Variants in MVD observed in about 807,000 individuals in gnomAD.
The protein encoded by MVD is diphosphomevalonate decarboxylase.
Under a neutral mutation model 42.4 loss-of-function variants are expected in MVD, and 52 were observed. The observed-to-expected ratio is 1.23, with a 90% CI of 0.98 to 1.55. The LOEUF is 1.55. Among genes scored for constraint, MVD ranks in the 40% most tolerant of loss-of-function variants. MVD has a pLI of 0.00. For missense variants in MVD, 663 were observed against 572.1 expected (o/e 1.16, Z -1.62); for synonymous variants, 287 against 243.2 (o/e 1.18, Z -1.68).
chr16:88,657,662 C>G, intron 3 of MVD, 80 bp from the exon 4 acceptor site: 1 of 1,558,876 alleles, frequency 6.4e-7, no homozygotes, highest in South Asian at 1.2e-5. Context: ...CCCGGGGTCA[C>G]AGCTGAACAC....
intron 1 of MVD, 97 bp downstream of exon 1, chr16:88,662,914 G>A: frequency 1.3e-6 from 2 of 1,536,018 alleles, no homozygotes; most frequent in Non-Finnish European, 1.8e-6. Context: ...GGCCCTGGGA[G>A]GGCAGGACGG....
Position 88,652,500 on chromosome 16 carries a change from C to G in MVD, c.*25G>C, listed in dbSNP as rs192540315. The G allele has an allele frequency of 2.1e-5, 33 of 1,555,090 alleles. No individual in the cohort carries two copies. Among genetic ancestry groups the G allele is most frequent in the Non-Finnish European group, 2.3e-5 (26 of 1,149,274 alleles). On this transcript the variant is annotated 3_prime_UTR_variant, in exon 10 of 10. Transcript: ENST00000301012. ...CCGGCGAGGCCACCCCTTCTCCAAGCGGCATGCGGTCCCTGCTGAGGCAGT... is the reference window on the plus strand; with the variant it reads ...CCGGCGAGGCCACCCCTTCTCCAAGGGGCATGCGGTCCCTGCTGAGGCAGT...
In MVD at chr16:88,655,092, GAC is replaced by G. The variant is rs201730794; in HGVS notation, c.897+105_897+106del. 2,171 of 1,306,530 alleles carry G rather than the reference GAC, an allele frequency of 1.7e-3. 38 individuals are homozygous for G. The African/African-American group carries it at 0.028, about 17-fold the overall frequency. The allele number at this position is 1,306,530 out of a possible 1,614,324, so 80.9% of individuals were successfully genotyped here. ...CGCACACAGCAGGGTGGAGCTTTCA[GAC>G]ACAGATTGCCCTGCACGCGAGCCCC... On this transcript the variant is annotated intron_variant, in intron 7 of 9. Transcript: ENST00000301012.
At chr16:88,658,400 T>A (rs1013305240) in intron 2 of MVD, among the ~76,000 whole-genome samples, 2 of 152,084 alleles carry the variant, frequency 1.3e-5, no homozygotes, top group African/African-American at 4.8e-5. Context: ...CGCTAGGCCA[T>A]CTCATCCTAG....
At position 88,652,405 on chromosome 16, in the gene MVD, G is replaced by A. The variant is rs1907622701; in HGVS notation, c.*120C>T. 5 of 1,139,552 alleles carry A rather than the reference G, an allele frequency of 4.4e-6. No individual in the cohort carries two copies. The highest frequency in any genetic ancestry group is 5.1e-5 in the East Asian group (2 of 39,076). The allele number at this position is 1,139,552 out of a possible 1,614,324, so 70.6% of individuals were successfully genotyped here. On this transcript the variant is annotated 3_prime_UTR_variant, in exon 10 of 10. Coordinates refer to ENST00000301012, the MANE Select transcript of MVD (RefSeq NM_002461.3). ...CACTGCCCCACAGCAAGCTGCCCAT[G>A]GGCCCGGGGTCAAGCCACCACCCAC...
intron 8 of MVD, 60 bp downstream of exon 8, chr16:88,654,632 T>G: frequency 6.5e-7 from 1 of 1,528,466 alleles, no homozygotes; most frequent in Non-Finnish European, 8.8e-7. Flanking sequence ...CTCCGTCTCT[T>G]CCGACCAGAG....
In MVD at chr16:88,655,750, C is replaced by A; in HGVS notation, c.604-20G>T. Reference sequence around the variant, plus strand: ...GCTCACCTGCACGAGGGAGAGACAGCCTGGGCCACACCCTGCAGGGGGCCA... The same window carrying A: ...GCTCACCTGCACGAGGGAGAGACAGACTGGGCCACACCCTGCAGGGGGCCA... On this transcript the variant is annotated intron_variant, in intron 5 of 9. Coordinates refer to ENST00000301012, the MANE Select transcript of MVD (RefSeq NM_002461.3). 1 of 1,551,054 alleles carries A rather than the reference C, an allele frequency of 6.4e-7. No homozygotes were observed. The highest frequency in any genetic ancestry group is 8.7e-7 in the Non-Finnish European group (1 of 1,148,054).
intron 1 of MVD, chr16:88,662,242 G>C (rs796067124): frequency 2.0e-5 from 3 of 152,638 alleles, no homozygotes; most frequent in African/African-American, 7.2e-5. Flanking sequence ...GAGAGAGGGT[G>C]GTCCATGGAT....
At chr16:88,659,028 C>T in intron 1 of MVD, 1 of 398,398 alleles carries the variant, frequency 2.5e-6, no homozygotes, top group Non-Finnish European at 4.8e-6. Context: ...CGCGGCCTGC[C>T]TCCCCTCCAC....
At chr16:88,656,043 A>C in intron 5 of MVD, 62 bp downstream of exon 5, 7 of 1,500,364 alleles carry the variant, frequency 4.7e-6, no homozygotes, top group Non-Finnish European at 6.3e-6. Context: ...TGCTCCCGGC[A>C]GCAGCCCTGA....
Position 88,654,764 on chromosome 16 carries a change from G to T in MVD, c.941C>A (p.Thr314Asn). 6.3e-7 allele frequency: 1 copy of T among 1,599,308 alleles called. No individual in the cohort carries two copies. Among genetic ancestry groups the T allele is most frequent in the Non-Finnish European group, 8.5e-7 (1 of 1,175,246 alleles). The change falls in exon 8 of 10, where the codon ACC (threonine) becomes AAC (asparagine). Residue 314 changes from threonine (T) to asparagine (N), a missense_variant. Transcript: ENST00000301012. ...AAACTCAGCCACAGTGTCGTCCAGG[G>T]TGAAGATCACGGCATTGGGGCCCGC... ...FDAGPNAVIF[T>N]LDDTVAEFVA... is the part of the protein sequence containing the mutation.
At chr16:88,659,656 C>A (rs900452052) in intron 1 of MVD, among the ~76,000 whole-genome samples, 1 of 152,158 alleles carries the variant, frequency 6.6e-6, no homozygotes, top group Admixed American at 6.5e-5. Context: ...CCAGGAAGGG[C>A]AGCCTAGCAA....
intron 4 of MVD, chr16:88,656,556 AG>A (rs891526240): frequency 5.2e-6 from 3 of 573,436 alleles, no homozygotes; most frequent in African/African-American, 3.7e-5. Context: ...GGGCAACAAA[AG>A]GTACCTGCGG....
chr16:88,655,583 G>A, intron 6 of MVD, 73 bp downstream of exon 6: 1 of 1,530,746 alleles, frequency 6.5e-7, no homozygotes. Flanking sequence ...CTCGGGCCCA[G>A]ACAGAGGCTG....
At chr16:88,655,570 A>G in intron 6 of MVD, 86 bp downstream of exon 6, 1 of 1,524,202 alleles carries the variant, frequency 6.6e-7, no homozygotes, top group South Asian at 1.2e-5. Flanking sequence ...AGGTGTGAGA[A>G]CACTCGGGCC....
chr16:88,654,725 C>G lies in MVD; in HGVS notation c.980G>C (p.Trp327Ser). 1.2e-6 allele frequency: 2 copies of G among 1,602,430 alleles called. No individual in the cohort carries two copies. The highest frequency in any genetic ancestry group is 2.3e-5 in the East Asian group (1 of 43,976). The change falls in exon 8 of 10, where the codon TGG (tryptophan) becomes TCG (serine). Residue 327 changes from tryptophan to serine, a missense_variant. Physicochemically the swap from Trp to Ser is radical, Grantham distance 177 (BLOSUM62 -3). Coordinates refer to ENST00000301012, the MANE Select transcript of MVD (RefSeq NM_002461.3). ...DTVAEFVAAV[W>S]HGFPPGSNGD... ...ATTCGAGCCTGGGGGAAAGCCGTGC[C>G]ACACAGCAGCCACAAACTCAGCCAC... is the stretch of plus-strand genomic sequence containing the variant.
rs1907785324 is a variant in MVD, at chr16:88,654,593, C to A, written c.1013+99G>T. The A allele has an allele frequency of 3.2e-6, 4 of 1,237,302 alleles. No homozygotes were observed. In the African/African-American group the frequency reaches 4.8e-5, roughly 15 times the overall value. The allele number at this position is 1,237,302 out of a possible 1,614,324, so 76.6% of individuals were successfully genotyped here. On this transcript the variant is annotated intron_variant, in intron 8 of 9. Transcript: ENST00000301012. ...GGGACTGCTGCCTGCCCTGGGACTC[C>A]CTGTCTCAGCGCCACAGCCTTCAGG... is the stretch of plus-strand genomic sequence containing the variant.
chr16:88,654,225 C>T (rs534497025), intron 8 of MVD, among the ~76,000 whole-genome samples: 2 of 152,246 alleles, frequency 1.3e-5, no homozygotes, highest in Admixed American at 1.3e-4. Context: ...CTGCCGGACC[C>T]CACCCAAGAA....
intron 1 of MVD, chr16:88,658,982 A>C: frequency 2.1e-6 from 1 of 469,066 alleles, no homozygotes. Context: ...CTTCTACTCC[A>C]GCATCCGTGA....
Sources: allele counts gnomAD v4.1 joint callset (sites outside exome capture counted in the v4.1 genomes callset), GRCh38; gene constraint gnomAD v4.1.1; transcripts MANE v1.5; gene names NCBI Gene and HGNC (gene_info 2026-07-23, HGNC 2026-07-21).